Variants in ZNF528 observed in about 807,000 individuals in gnomAD.
ZNF528 encodes zinc finger protein 528.
In ZNF528, 9 loss-of-function variants were observed where a neutral mutation model predicts 13.3. The observed-to-expected ratio is 0.67, with a 90% confidence interval of 0.41 to 1.18. The LOEUF (loss-of-function observed/expected upper bound fraction) is 1.18. Ranked by LOEUF, ZNF528 falls within the 50% of genes most tolerant of loss-of-function variation. The pLI is 0.01. For missense variants in ZNF528, 858 were observed against 745.4 expected (o/e 1.15, Z -1.76); for synonymous variants, 264 against 254.3 (o/e 1.04, Z -0.36).
Position 52,415,493 on chromosome 19 carries a change from A to G in ZNF528, c.641A>G (p.Lys214Arg). The change falls in exon 7 of 7, where the codon AAA (lysine) becomes AGA (arginine). Residue 214 changes from lysine to arginine, a missense_variant. Physicochemically the swap from Lys to Arg is conservative, Grantham distance 26. Transcript: ENST00000360465. Reference protein sequence around the residue: ...QVIHNADNPYKCSECGKVFSC... With the variant: ...QVIHNADNPYRCSECGKVFSC... The stretch of plus-strand genomic sequence containing the variant: ...ATCCATAACGCAGATAATCCTTACA[A>G]ATGCAGTGAATGTGGCAAGGTCTTT... The G allele has an allele frequency of 6.2e-7, 1 of 1,614,206 alleles. No individual in the cohort carries two copies.
Position 52,417,026 on chromosome 19 carries a change from G to A in ZNF528, c.*287G>A. ...TTCTCTGATACTAATCTATGATATT[G>A]CATGATGCAGAATAATGCTAAGTCA... On this transcript the variant is annotated 3_prime_UTR_variant, in exon 7 of 7. Transcript: ENST00000360465. The A allele has an allele frequency of 5.2e-6, 2 of 387,784 alleles. No homozygotes were observed. The highest frequency in any genetic ancestry group is 4.7e-6 in the Non-Finnish European group (1 of 212,880). The allele number at this position is 387,784 out of a possible 1,614,324, so 24.0% of individuals were successfully genotyped here.
At position 52,416,988 on chromosome 19, in the gene ZNF528, ACT is replaced by A. The variant is rs1015185472; in HGVS notation, c.*252_*253del. ...CACGATAGGATTTACACAAGAAGTAACTCTGTCTCTGGTTCTCTGATACTAAT... is the reference window on the plus strand; with the variant it reads ...CACGATAGGATTTACACAAGAAGTAACTGTCTCTGGTTCTCTGATACTAAT... On this transcript the variant is annotated 3_prime_UTR_variant, in exon 7 of 7. Coordinates refer to ENST00000360465, the MANE Select transcript of ZNF528 (RefSeq NM_032423.3). 7 of 461,398 alleles carry A rather than the reference ACT, an allele frequency of 1.5e-5. No homozygotes were observed. The highest frequency in any genetic ancestry group is 3.8e-5 in the South Asian group (1 of 26,142). The allele number at this position is 461,398 out of a possible 1,614,324, so 28.6% of individuals were successfully genotyped here.
chr19:52,399,352 G>A (rs932138232), intron 2 of ZNF528, among the ~76,000 whole-genome samples: 12 of 152,088 alleles, frequency 7.9e-5, no homozygotes, highest in East Asian at 3.9e-4. Flanking sequence ...TGGCTCACAC[G>A]TGTAATCCCA....
rs750503875 is a variant in ZNF528 at position 52,416,247 on chromosome 19, T to C, written c.1395T>C (p.Tyr465=). 7.8e-5 allele frequency: 126 copies of C among 1,613,676 alleles called. No homozygotes were observed. The highest frequency in any genetic ancestry group is 1.0e-4 in the Non-Finnish European group (118 of 1,179,912). ...HFLIHSGEKP[Y]ECKECGKVFR... ...TAATCCATAGTGGAGAGAAACCTTA[T>C]GAATGTAAAGAATGTGGCAAAGTCT... The change falls in exon 7 of 7, where the codon TAT becomes TAC. Residue 465 remains tyrosine, a synonymous_variant. Coordinates refer to ENST00000360465, the MANE Select transcript of ZNF528 (RefSeq NM_032423.3).
chr19:52,416,590 A>G lies in ZNF528; in HGVS notation c.1738A>G (p.Lys580Glu), dbSNP rs1436219311. 1.4e-5 allele frequency: 22 copies of G among 1,614,202 alleles called. No homozygotes were observed. Among genetic ancestry groups the G allele is most frequent in the Non-Finnish European group, 1.9e-5 (22 of 1,180,024 alleles). Residue 580 changes from lysine to glutamate, a missense_variant, in exon 7 of 7, where the codon AAA becomes GAA. By Grantham distance (56) the Lys-to-Glu change is moderately conservative. Coordinates refer to ENST00000360465, the MANE Select transcript of ZNF528 (RefSeq NM_032423.3). ...IHTEKKSHECKECGKIFTQKS... is the reference protein window; with the variant it reads ...IHTEKKSHECEECGKIFTQKS... ...TACTGAAAAGAAATCTCATGAGTGTAAAGAATGTGGCAAGATCTTCACTCA... is the reference window on the plus strand; with the variant it reads ...TACTGAAAAGAAATCTCATGAGTGTGAAGAATGTGGCAAGATCTTCACTCA...
In ZNF528 at chr19:52,415,615, A is replaced by C; in HGVS notation, c.763A>C (p.Asn255His). The change falls in exon 7 of 7, where the codon AAC (asparagine) becomes CAC (histidine). Residue 255 changes from asparagine to histidine, a missense_variant. Transcript: ENST00000360465. ...TGGCAAGCTCTTCAGTAGCAATTCA[A>C]ACCTTTCACAACATCAAAGAATTCA... ...ECGKLFSSNS[N>H]LSQHQRIHTG... 6.2e-7 allele frequency: 1 copy of C among 1,614,096 alleles called. No individual in the cohort carries two copies. The highest frequency in any genetic ancestry group is 8.5e-7 in the Non-Finnish European group (1 of 1,179,994).
At chr19:52,408,828 A>G (rs757129799) in intron 6 of ZNF528, among the ~76,000 whole-genome samples, 1 of 152,050 alleles carries the variant, frequency 6.6e-6, no homozygotes, top group African/African-American at 2.4e-5. Context: ...CAGCCTCCCA[A>G]GTTGTTGGGA....
chr19:52,407,733 A>C (rs1462532609), intron 6 of ZNF528, among the ~76,000 whole-genome samples: 1 of 152,086 alleles, frequency 6.6e-6, no homozygotes, highest in Non-Finnish European at 1.5e-5. Context: ...CCGAGATTGC[A>C]CCACTGCGCC....
In ZNF528 at chr19:52,401,754, G is replaced by T. The variant is rs1398027779; in HGVS notation, c.-68+1G>T. Reference sequence around the variant, plus strand: ...AGAAGGAATCCACTCAACAGACGAGGTACCTTAACCACATAATGGTTGATT... The same window carrying T: ...AGAAGGAATCCACTCAACAGACGAGTTACCTTAACCACATAATGGTTGATT... On this transcript the variant is annotated splice_donor_variant, in intron 3 of 6. Transcript: ENST00000360465. LOFTEE classifies it low-confidence loss of function (5UTR_SPLICE). 3.4e-6 allele frequency: 5 copies of T among 1,473,106 alleles called. No individual in the cohort carries two copies. The East Asian group carries it at 1.4e-4, about 41-fold the overall frequency. The allele number at this position is 1,473,106 out of a possible 1,614,324, so 91.3% of individuals were successfully genotyped here. A position where few individuals can be genotyped will look rare whatever the true frequency, so the allele number is the denominator to read the frequency against.
chr19:52,406,133 T>C (rs1255181666), intron 5 of ZNF528, 100 bp downstream of exon 5: 10 of 1,401,334 alleles, frequency 7.1e-6, no homozygotes, highest in Non-Finnish European at 9.7e-6. Flanking sequence ...TTGCCTGAGA[T>C]TGAAACCATG....
chr19:52,415,827 C>G lies in ZNF528; in HGVS notation c.975C>G (p.Tyr325Ter), dbSNP rs543839914. Reference protein sequence around the residue: ...HQKIHTGEKPYSCNKCGKVFS... With the variant: ...HQKIHTGEKP ...AAATTCATACTGGAGAGAAACCTTA[C>G]AGTTGTAATAAATGTGGCAAGGTCT... Residue 325 changes from tyrosine (Y) to a stop codon, truncating the protein, a stop_gained, in exon 7 of 7, where the codon TAC (tyrosine) becomes TAG (stop). Transcript: ENST00000360465. LOFTEE classifies it low-confidence loss of function (END_TRUNC). The G allele has an allele frequency of 3.1e-6, 5 of 1,614,074 alleles. No individual in the cohort carries two copies. Among genetic ancestry groups the G allele is most frequent in the South Asian group, 1.1e-5 (1 of 91,074 alleles).
At position 52,405,728 on chromosome 19, in the gene ZNF528, T is replaced by C. The variant is rs111242179; in HGVS notation, c.16-179T>C. On this transcript the variant is annotated intron_variant, in intron 4 of 6. Coordinates refer to ENST00000360465, the MANE Select transcript of ZNF528 (RefSeq NM_032423.3). Reference sequence around the variant, plus strand: ...TGATTTAAGGAATGTCTTAACTTCTTATGGAGAAATATAATAAAACCACAA... The same window carrying C: ...TGATTTAAGGAATGTCTTAACTTCTCATGGAGAAATATAATAAAACCACAA... Among the ~76,000 whole-genome samples, 865 of 152,298 alleles carry C rather than the reference T, an allele frequency of 5.7e-3. 7 individuals carry two copies. The highest frequency in any genetic ancestry group is 0.02 in the African/African-American group (835 of 41,560).
chr19:52,402,603 A>G (rs1350898134), intron 4 of ZNF528: 1 of 152,848 alleles, frequency 6.5e-6, no homozygotes, highest in African/African-American at 2.4e-5. Context: ...GGGTTTCGCC[A>G]TGTTGGCCAG....
In ZNF528 at chr19:52,398,593, A is replaced by G. The variant is rs1350481923; in HGVS notation, c.-163A>G. ...TTGAAAGAGAAATGAAGAATGAGAG[A>G]CCCATTAACAGAAGGCAAAGTAGAA... On this transcript the variant is annotated 5_prime_UTR_variant, in exon 2 of 7. Transcript: ENST00000360465. The G allele has an allele frequency of 1.0e-6, 1 of 985,302 alleles. No homozygotes were observed. Among genetic ancestry groups the G allele is most frequent in the Non-Finnish European group, 1.2e-6 (1 of 829,940 alleles). The allele number at this position is 985,302 out of a possible 1,614,324, so 61.0% of individuals were successfully genotyped here.
intron 2 of ZNF528, 91 bp from the exon 3 acceptor site, chr19:52,401,594 T>G: frequency 9.0e-7 from 1 of 1,112,930 alleles, no homozygotes; most frequent in Non-Finnish European, 1.2e-6. Flanking sequence ...GCGTTTTGTA[T>G]TTTTAAAATA....
intron 4 of ZNF528, among the ~76,000 whole-genome samples, chr19:52,404,051 T>C (rs1183989739): frequency 6.6e-6 from 1 of 152,176 alleles, no homozygotes; most frequent in African/African-American, 2.4e-5. Context: ...TTGTCAATTT[T>C]CTTTTGATCC....
At chr19:52,414,432 G>A (rs1332845469) in intron 6 of ZNF528, 21 of 634,464 alleles carry the variant, frequency 3.3e-5, no homozygotes, top group Non-Finnish European at 3.4e-5. Flanking sequence ...GAGCTTTAGA[G>A]CCCTTTGTAT....
intron 4 of ZNF528, among the ~76,000 whole-genome samples, chr19:52,404,459 C>A (rs910697939): frequency 6.6e-6 from 1 of 152,142 alleles, no homozygotes; most frequent in Non-Finnish European, 1.5e-5. Context: ...GTCTCTTGAC[C>A]TTGTGATCGC....
At chr19:52,407,442 G>T (rs1568426065) in intron 6 of ZNF528, among the ~76,000 whole-genome samples, 1 of 152,068 alleles carries the variant, frequency 6.6e-6, no homozygotes, top group Non-Finnish European at 1.5e-5. Context: ...AACCAGTAAG[G>T]TGTGTTGTTT....
Sources: allele counts gnomAD v4.1 joint callset (sites outside exome capture counted in the v4.1 genomes callset), GRCh38; gene constraint gnomAD v4.1.1; transcripts MANE v1.5; gene names NCBI Gene and HGNC (gene_info 2026-07-23, HGNC 2026-07-21).